The following FAM78B variants were observed in gnomAD, a reference collection of about 807,000 sequenced individuals.
FAM78B encodes family with sequence similarity 78 member B, also known as protein FAM78B.
A neutral mutation model predicts 20.0 loss-of-function variants in FAM78B; 10 were observed. The ratio of observed to expected loss-of-function variants is 0.50; its 90% confidence interval spans 0.31 to 0.85. FAM78B has a LOEUF of 0.85. FAM78B is among the 40% of genes least tolerant of loss of function. The probability of loss-of-function intolerance (pLI) is 0.05; values close to 1 mark genes in which losing one functional copy is unlikely to be tolerated. For synonymous variants in FAM78B, 135 were observed against 132.8 expected (o/e 1.02, Z -0.12); for missense variants, 283 against 345.0 (o/e 0.82, Z 1.42).
intron 1 of FAM78B, among the ~76,000 whole-genome samples, chr1:166,146,646 G>A (rs150405011): frequency 1.1e-3 from 174 of 152,268 alleles, no homozygotes; most frequent in African/African-American, 3.8e-3. Context: ...GGGAAGTTGC[G>A]AATATACAAT....
intron 1 of FAM78B, among the ~76,000 whole-genome samples, chr1:166,148,821 TCA>T (rs1655571864): frequency 6.6e-6 from 1 of 152,234 alleles, no homozygotes; most frequent in Admixed American, 6.5e-5. Context: ...AGTGGGTTCC[TCA>T]CATAAGTGAT....
At chr1:166,155,507 C>T (rs1655859348) in intron 1 of FAM78B, among the ~76,000 whole-genome samples, 1 of 152,194 alleles carries the variant, frequency 6.6e-6, no homozygotes, top group Non-Finnish European at 1.5e-5. Context: ...CACGGGGAGA[C>T]AGACGAGCAC....
intron 1 of FAM78B, among the ~76,000 whole-genome samples, chr1:166,131,779 C>T (rs567101249): frequency 2.6e-5 from 4 of 152,138 alleles, no homozygotes; most frequent in African/African-American, 7.2e-5. Context: ...AGTAAGGTTA[C>T]GTGGCTATGC....
intron 1 of FAM78B, among the ~76,000 whole-genome samples, chr1:166,123,319 C>T (rs529928926): frequency 3.9e-5 from 6 of 152,338 alleles, no homozygotes; most frequent in South Asian, 2.1e-4. Flanking sequence ...CTGGCTCTGT[C>T]GGCTCTTGGC....
intron 1 of FAM78B, among the ~76,000 whole-genome samples, chr1:166,077,960 TTATATATATAATAAA>T (rs1321918223): frequency 3.6e-5 from 1 of 28,014 alleles, no homozygotes; most frequent in Admixed American, 5.5e-4. Context: ...ATATATATAA[TTATATATATAATAAA>T]TATATATAAT....
intron 1 of FAM78B, among the ~76,000 whole-genome samples, chr1:166,157,861 A>G (rs1468202699): frequency 6.6e-6 from 1 of 152,142 alleles, no homozygotes; most frequent in African/African-American, 2.4e-5. Context: ...GCAGCCCGAG[A>G]ACTGAGGATG....
chr1:166,148,799 AT>A (rs1655570003), intron 1 of FAM78B, among the ~76,000 whole-genome samples: 1 of 152,258 alleles, frequency 6.6e-6, no homozygotes. Flanking sequence ...GTAGACTGTC[AT>A]CCCACCACAG....
exon 3 of FAM78B, chr1:166,059,801 G>C (rs183705413): frequency 6.6e-6 from 1 of 152,164 alleles, no homozygotes; most frequent in East Asian, 1.9e-4. Flanking sequence ...GTGTTTGGGC[G>C]TAAGGAGAAA....
intron 1 of FAM78B, among the ~76,000 whole-genome samples, chr1:166,091,656 C>A (rs981334293): frequency 6.6e-6 from 1 of 152,150 alleles, no homozygotes; most frequent in African/African-American, 2.4e-5. Flanking sequence ...TTTACTGGTC[C>A]TGCCACCTGA....
chr1:166,088,310 C>G (rs971417416), intron 1 of FAM78B, among the ~76,000 whole-genome samples: 3 of 152,120 alleles, frequency 2.0e-5, no homozygotes, highest in African/African-American at 7.2e-5. Flanking sequence ...GCTGTGGATT[C>G]AAAAGGAACA....
chr1:166,063,421 G>A (rs895180937), intron 2 of FAM78B, among the ~76,000 whole-genome samples: 2 of 152,160 alleles, frequency 1.3e-5, no homozygotes, highest in Non-Finnish European at 2.9e-5. Context: ...CGCTTGCACA[G>A]GGGCAGGTGG....
intron 1 of FAM78B, among the ~76,000 whole-genome samples, chr1:166,120,025 C>T (rs1032863017): frequency 3.3e-5 from 5 of 152,184 alleles, no homozygotes; most frequent in African/African-American, 1.2e-4. Flanking sequence ...CCACTCCCTC[C>T]CATAAAGTCA....
At chr1:166,121,818 A>G (rs1424264647) in intron 1 of FAM78B, among the ~76,000 whole-genome samples, 1 of 152,158 alleles carries the variant, frequency 6.6e-6, no homozygotes, top group Non-Finnish European at 1.5e-5. Context: ...TAAGTGATGG[A>G]GCCAGGTCAT....
intron 1 of FAM78B, among the ~76,000 whole-genome samples, chr1:166,140,282 GC>G (rs1655231265): frequency 6.6e-6 from 1 of 152,212 alleles, no homozygotes; most frequent in African/African-American, 2.4e-5. Context: ...AGGCTGACTT[GC>G]CAGAAAAAGT....
At chr1:166,104,155 C>T (rs866634065) in intron 1 of FAM78B, among the ~76,000 whole-genome samples, 3 of 152,146 alleles carry the variant, frequency 2.0e-5, no homozygotes, top group East Asian at 1.9e-4. Context: ...ATTCAACAGC[C>T]CTTCATGCTA....
intron 1 of FAM78B, among the ~76,000 whole-genome samples, chr1:166,142,034 C>T (rs1655298603): frequency 6.6e-6 from 1 of 152,130 alleles, no homozygotes; most frequent in South Asian, 2.1e-4. Context: ...GGTGTCCTTG[C>T]CCTGAGCACA....
At chr1:166,058,632 CAT>C (rs1557883215) in exon 3 of FAM78B, 3 of 151,890 alleles carry the variant, frequency 2.0e-5, no homozygotes, top group Non-Finnish European at 4.4e-5. Flanking sequence ...AGTGAAACTC[CAT>C]CAAGTGAAAG....
chr1:166,139,527 G>A (rs1292897217), intron 1 of FAM78B, among the ~76,000 whole-genome samples: 10 of 152,156 alleles, frequency 6.6e-5, no homozygotes, highest in Non-Finnish European at 4.4e-5. Context: ...TGATAGAGGG[G>A]CAGAGTCGAG....
intron 1 of FAM78B, among the ~76,000 whole-genome samples, chr1:166,111,991 C>A (rs994892581): frequency 2.6e-5 from 4 of 152,168 alleles, no homozygotes; most frequent in African/African-American, 9.7e-5. Context: ...GTCACGTTTT[C>A]TTTATTTTAA....
Sources: gnomAD v4.1 joint callset for allele counts (sites outside exome capture counted in the v4.1 genomes callset) on GRCh38, gnomAD v4.1.1 for gene constraint, MANE v1.5 for transcripts, NCBI Gene and HGNC (gene_info 2026-07-23, HGNC 2026-07-21) for gene names.